Variants in RBM27 observed in about 807,000 individuals in gnomAD.
The protein encoded by RBM27 is RNA-binding protein 27.
In RBM27, 22 loss-of-function variants were observed where a neutral mutation model predicts 135.3. The ratio of observed to expected loss-of-function variants is 0.16; its 90% confidence interval spans 0.12 to 0.23. The LOEUF (loss-of-function observed/expected upper bound fraction) is 0.23. RBM27 is among the 10% of genes least tolerant of loss of function. RBM27 has a pLI of 1.00. For synonymous variants in RBM27, 481 were observed against 442.4 expected, an observed-to-expected ratio of 1.09 and a Z score of -1.10; for missense variants, 1,009 against 1,281.0, an observed-to-expected ratio of 0.79 and a Z score of 3.24.
intron 3 of RBM27, among the ~76,000 whole-genome samples, chr5:146,223,818 T>A (rs936383341): frequency 2.0e-5 from 3 of 152,178 alleles, no homozygotes; most frequent in Non-Finnish European, 4.4e-5. Context: ...ATAGAGAGAT[T>A]GACTGAAAGT....
intron 8 of RBM27, among the ~76,000 whole-genome samples, chr5:146,248,986 A>AT (rs1316419228): frequency 2.0e-5 from 3 of 151,666 alleles, no homozygotes; most frequent in East Asian, 1.9e-4. Context: ...TTTTTAATTA[A>AT]TTTTTTTTCT....
chr5:146,285,838 T>C (rs1759559627), intron 20 of RBM27, 109 bp from the exon 21 acceptor site: 2 of 765,906 alleles, frequency 2.6e-6, no homozygotes, highest in Admixed American at 2.9e-5. Context: ...GCATCCCTTA[T>C]GAAATCTAGC....
Position 146,286,127 on chromosome 5 carries a change from T to C in RBM27, c.*97T>C. On this transcript the variant is annotated 3_prime_UTR_variant, in exon 21 of 21. Coordinates refer to ENST00000265271, the MANE Select transcript of RBM27 (RefSeq NM_018989.2). Reference sequence around the variant, plus strand: ...AGTCAATGAGCCAAAAAAAATTTTTTTATTTTTCTTTTCAACACAGTAGGT... The same window carrying C: ...AGTCAATGAGCCAAAAAAAATTTTTCTATTTTTCTTTTCAACACAGTAGGT... 1 of 1,043,056 alleles carries C rather than the reference T, an allele frequency of 9.6e-7. No individual in the cohort carries two copies. Among genetic ancestry groups the C allele is most frequent in the Non-Finnish European group, 1.4e-6 (1 of 722,606 alleles). 64.6% of individuals were successfully genotyped at this position (1,043,056 alleles called of 1,614,324 possible).
At position 146,286,749 on chromosome 5, in the gene RBM27, T is replaced by C. The variant is rs955344983; in HGVS notation, c.*719T>C. The stretch of plus-strand genomic sequence containing the variant: ...TACTGATTCTTAGTTTGCTTTGATA[T>C]TTAGTGAGCGCTGGTTCGGCTGGTC... On this transcript the variant is annotated 3_prime_UTR_variant, in exon 21 of 21. Transcript: ENST00000265271. The C allele has an allele frequency of 1.2e-4, 18 of 152,146 alleles. No homozygotes were observed. Among genetic ancestry groups the C allele is most frequent in the African/African-American group, 4.1e-4 (17 of 41,410 alleles). 9.4% of individuals were successfully genotyped at this position (152,146 alleles called of 1,614,324 possible).
At chr5:146,264,654 TAAAAAAAAAA>T (rs35210934) in intron 14 of RBM27, among the ~76,000 whole-genome samples, 1 of 97,904 alleles carries the variant, frequency 1.0e-5, no homozygotes, top group Non-Finnish European at 2.1e-5. Flanking sequence ...CAAAGAGAGC[TAAAAAAAAAA>T]AAAAAAAAAA....
chr5:146,267,665 G>A lies in RBM27; in HGVS notation c.2348G>A (p.Gly783Asp), dbSNP rs201819417. The A allele has an allele frequency of 1.2e-4, 187 of 1,574,270 alleles. No individual in the cohort carries two copies. Among genetic ancestry groups the A allele is most frequent in the Non-Finnish European group, 1.6e-4 (181 of 1,152,940 alleles). ...ATTTTTTAGATATTTTCAACTCCAG[G>A]CCATCCAAAAATGATTTACAGCTCC... ...GEDCQIFSTPGHPKMIYSSSN... is the reference protein window; with the variant it reads ...GEDCQIFSTPDHPKMIYSSSN... The change falls in exon 15 of 21, where the codon GGC (glycine) becomes GAC (aspartate). Residue 783 changes from glycine (G) to aspartate (D), a missense_variant. Around this residue, in one of 6 missense-constraint regions of RBM27, gnomAD observed 355 missense variants for 427.3 expected, o/e 0.83. Transcript: ENST00000265271.
chr5:146,277,528 T>C (rs1464579907), intron 19 of RBM27, among the ~76,000 whole-genome samples: 3 of 146,840 alleles, frequency 2.0e-5, no homozygotes, highest in Admixed American at 6.8e-5. Context: ...TTTTTTTTTT[T>C]TTTTTTTTTT....
intron 8 of RBM27, among the ~76,000 whole-genome samples, chr5:146,238,683 T>C (rs1757272733): frequency 6.6e-6 from 1 of 151,606 alleles, no homozygotes; most frequent in Non-Finnish European, 1.5e-5. Flanking sequence ...TTACAAGGCC[T>C]GGTAACTTTA....
chr5:146,244,401 T>C lies in RBM27; in HGVS notation c.1279+6969T>C, dbSNP rs576804291. Among the ~76,000 whole-genome samples, 9 of 152,364 alleles carry C rather than the reference T, an allele frequency of 5.9e-5. No individual in the cohort carries two copies. The East Asian group carries it at 1.7e-3, about 29-fold the overall frequency. On this transcript the variant is annotated intron_variant, in intron 8 of 20. Coordinates refer to ENST00000265271, the MANE Select transcript of RBM27 (RefSeq NM_018989.2). Reference sequence around the variant, plus strand: ...TTTATAAAAAACTTTGAAATTTTGTTACTTTTCTTGAGTTAAAATGTCATA... The same window carrying C: ...TTTATAAAAAACTTTGAAATTTTGTCACTTTTCTTGAGTTAAAATGTCATA...
chr5:146,209,595 T>G (rs147300240), intron 1 of RBM27, among the ~76,000 whole-genome samples: 1 of 152,316 alleles, frequency 6.6e-6, no homozygotes, highest in African/African-American at 2.4e-5. Flanking sequence ...CCTTATCAAA[T>G]TGAACTCTGG....
intron 19 of RBM27, among the ~76,000 whole-genome samples, chr5:146,274,566 G>C (rs772469843): frequency 2.0e-5 from 3 of 152,154 alleles, no homozygotes; most frequent in African/African-American, 7.2e-5. Context: ...ACCGTGCCCG[G>C]CCCACACATA....
chr5:146,265,244 A>G (rs1758565719), intron 14 of RBM27, among the ~76,000 whole-genome samples: 1 of 152,228 alleles, frequency 6.6e-6, no homozygotes, highest in Admixed American at 6.5e-5. Flanking sequence ...ATATCTACAC[A>G]GTAAATATAC....
intron 14 of RBM27, 22 bp downstream of exon 14, chr5:146,263,653 A>C: frequency 6.2e-7 from 1 of 1,611,656 alleles, no homozygotes; most frequent in Non-Finnish European, 8.5e-7. Context: ...TGGGAGCTTC[A>C]GATATATTTA....
chr5:146,212,499 C>A (rs868626904), intron 1 of RBM27, among the ~76,000 whole-genome samples: 4 of 152,068 alleles, frequency 2.6e-5, no homozygotes, highest in Admixed American at 1.3e-4. Context: ...TAGGTGCATG[C>A]CACCACACCA....
At chr5:146,227,270 T>C (rs1322134355) in intron 3 of RBM27, among the ~76,000 whole-genome samples, 2 of 152,228 alleles carry the variant, frequency 1.3e-5, no homozygotes, top group Non-Finnish European at 2.9e-5. Flanking sequence ...AAATTTTATT[T>C]TGTGAAGAAA....
chr5:146,203,637 T>C lies in RBM27; in HGVS notation c.-129T>C, dbSNP rs1194146596. Reference sequence around the variant, plus strand: ...GTTAGGCCCCGGCCGGGGGAGTAGGTTGAAGTCTCCTAAGATGCCCGGTGG... The same window carrying C: ...GTTAGGCCCCGGCCGGGGGAGTAGGCTGAAGTCTCCTAAGATGCCCGGTGG... On this transcript the variant is annotated 5_prime_UTR_variant, in exon 1 of 21. Transcript: ENST00000265271. 3.6e-6 allele frequency: 3 copies of C among 826,652 alleles called. No individual in the cohort carries two copies. The highest frequency in any genetic ancestry group is 5.9e-6 in the Non-Finnish European group (3 of 510,450). The allele number at this position is 826,652 out of a possible 1,614,324, so 51.2% of individuals were successfully genotyped here.
chr5:146,283,867 T>A (rs966331799), intron 19 of RBM27, among the ~76,000 whole-genome samples: 2 of 152,208 alleles, frequency 1.3e-5, no homozygotes, highest in African/African-American at 4.8e-5. Flanking sequence ...CTATTATGTT[T>A]TTTAGAACCC....
At chr5:146,264,135 C>T (rs989636223) in intron 14 of RBM27, among the ~76,000 whole-genome samples, 1 of 151,570 alleles carries the variant, frequency 6.6e-6, no homozygotes, top group South Asian at 2.1e-4. Flanking sequence ...AAACAAAAAC[C>T]AAGTTAAGTA....
intron 13 of RBM27, 65 bp downstream of exon 13, chr5:146,261,871 TC>T (rs1188586634): frequency 6.5e-7 from 1 of 1,538,026 alleles, no homozygotes; most frequent in East Asian, 2.3e-5. Flanking sequence ...ATTTTTCAAT[TC>T]CTGGTCCTTG....
Sources: allele counts gnomAD v4.1 joint callset (sites outside exome capture counted in the v4.1 genomes callset), GRCh38; gene constraint gnomAD v4.1.1; regional missense constraint gnomAD v4.1.1; transcripts MANE v1.5; gene names NCBI Gene and HGNC (gene_info 2026-07-23, HGNC 2026-07-21).